The following NMNAT2 variants were observed in gnomAD, a reference collection of about 807,000 sequenced individuals.
NMNAT2 encodes nicotinamide/nicotinic acid mononucleotide adenylyltransferase 2.
Under a neutral mutation model 41.6 loss-of-function variants are expected in NMNAT2, and 11 were observed. The observed-to-expected ratio is 0.26, with a 90% CI of 0.17 to 0.44. The LOEUF (loss-of-function observed/expected upper bound fraction) is 0.44, where lower values mean the gene tolerates loss of function less well. Among genes scored for constraint, NMNAT2 ranks in the 20% least tolerant of loss-of-function variants. The probability of loss-of-function intolerance (pLI) is 1.00; values close to 1 mark genes in which losing one functional copy is unlikely to be tolerated. For synonymous variants in NMNAT2, 148 were observed against 151.2 expected (o/e 0.98, Z 0.16); for missense variants, 288 against 407.7 (o/e 0.71, Z 2.53).
At chr1:183,329,244 G>A (rs963465271) in intron 1 of NMNAT2, among the ~76,000 whole-genome samples, 2 of 152,152 alleles carry the variant, frequency 1.3e-5, no homozygotes, top group African/African-American at 4.8e-5. Flanking sequence ...AATTGTGTGT[G>A]TGTGTATGTG....
intron 1 of NMNAT2, among the ~76,000 whole-genome samples, chr1:183,340,170 A>G (rs530615414): frequency 6.6e-6 from 1 of 152,298 alleles, no homozygotes; most frequent in Admixed American, 6.5e-5. Flanking sequence ...TGGGGGCTAA[A>G]GCTCTGAAGA....
chr1:183,408,440 A>G (rs1466373675), intron 1 of NMNAT2, among the ~76,000 whole-genome samples: 1 of 152,242 alleles, frequency 6.6e-6, no homozygotes, highest in Non-Finnish European at 1.5e-5. Context: ...TTAAAAATGT[A>G]AAAAGCCATC....
chr1:183,320,887 A>G (rs976402520), intron 1 of NMNAT2, among the ~76,000 whole-genome samples: 3 of 152,262 alleles, frequency 2.0e-5, no homozygotes, highest in Non-Finnish European at 2.9e-5. Context: ...ATTGGTGAAC[A>G]GAAGAGAAGA....
At chr1:183,317,399 A>T (rs539213704) in intron 1 of NMNAT2, among the ~76,000 whole-genome samples, 56 of 152,276 alleles carry the variant, frequency 3.7e-4, no homozygotes, top group African/African-American at 1.3e-3. Context: ...CCTCTCAAGT[A>T]GCTGGCATTC....
At chr1:183,369,246 T>C (rs888388759) in intron 1 of NMNAT2, among the ~76,000 whole-genome samples, 7 of 135,384 alleles carry the variant, frequency 5.2e-5, no homozygotes, top group African/African-American at 1.9e-4. Flanking sequence ...GTATTCTTTT[T>C]TTTTTTCTTT....
chr1:183,304,909 A>G (rs981411595), intron 1 of NMNAT2: 2 of 1,424,474 alleles, frequency 1.4e-6, no homozygotes, highest in Non-Finnish European at 1.9e-6. Flanking sequence ...ATGATTTATG[A>G]CCCTCCCTTC....
chr1:183,373,448 G>A (rs763850376), intron 1 of NMNAT2, among the ~76,000 whole-genome samples: 3 of 152,104 alleles, frequency 2.0e-5, no homozygotes, highest in Non-Finnish European at 4.4e-5. Flanking sequence ...TCATGGGGCA[G>A]CACTAGGCCT....
chr1:183,297,383 CT>C (rs66514054), intron 1 of NMNAT2, among the ~76,000 whole-genome samples: 9,650 of 143,394 alleles, frequency 0.067, 832 homozygotes, highest in African/African-American at 0.22. Context: ...GGAAGGAACC[CT>C]TTTTTTTTTT....
chr1:183,342,024 T>C (rs1016925251), intron 1 of NMNAT2, among the ~76,000 whole-genome samples: 6 of 35,780 alleles, frequency 1.7e-4, no homozygotes, highest in Admixed American at 3.3e-4. Flanking sequence ...TTCCTCACCT[T>C]TTTTTTTTTT....
intron 1 of NMNAT2, among the ~76,000 whole-genome samples, chr1:183,313,337 TGGG>T (rs1413061852): frequency 1.3e-5 from 2 of 152,234 alleles, no homozygotes; most frequent in Admixed American, 1.3e-4. Context: ...ACCTGACTTC[TGGG>T]TATTTGGTCA....
intron 1 of NMNAT2, among the ~76,000 whole-genome samples, chr1:183,335,527 T>C (rs1456459072): frequency 3.3e-5 from 5 of 152,258 alleles, no homozygotes; most frequent in Admixed American, 3.3e-4. Flanking sequence ...AGCTTGAAGA[T>C]GTTTCTGCTG....
At position 183,290,319 on chromosome 1, in the gene NMNAT2, G is replaced by T. The variant is rs549425002; in HGVS notation, c.243-113C>A. 1.2e-3 allele frequency: 899 copies of T among 765,396 alleles called. 3 individuals carry two copies. Among genetic ancestry groups the T allele is most frequent in the Non-Finnish European group, 1.7e-3 (809 of 472,102 alleles). 47.4% of individuals were successfully genotyped at this position (765,396 alleles called of 1,614,324 possible). ...CATGGCAGATCTGGCCATACCATGC[G>T]CTTAGATCTTGAATCAGATAAAACC... On this transcript the variant is annotated intron_variant, in intron 3 of 10. Coordinates refer to ENST00000287713, the MANE Select transcript of NMNAT2 (RefSeq NM_015039.4).
chr1:183,267,680 G>T (rs978461122), intron 8 of NMNAT2, among the ~76,000 whole-genome samples: 1 of 152,100 alleles, frequency 6.6e-6, no homozygotes, highest in African/African-American at 2.4e-5. Context: ...TTCCTATGCC[G>T]CCTGCAGGAG....
chr1:183,405,301 G>T (rs1207768105), intron 1 of NMNAT2, among the ~76,000 whole-genome samples: 4 of 152,180 alleles, frequency 2.6e-5, no homozygotes, highest in African/African-American at 9.7e-5. Context: ...GGCAAGGATT[G>T]GGAAGTGGGT....
chr1:183,364,460 T>G (rs1663371704), intron 1 of NMNAT2, among the ~76,000 whole-genome samples: 1 of 152,228 alleles, frequency 6.6e-6, no homozygotes, highest in Non-Finnish European at 1.5e-5. Flanking sequence ...TTCTTCATTA[T>G]TCTATATTAA....
rs374347716 is a variant in NMNAT2, at chr1:183,294,721, C to T, written c.86-928G>A. ...AGGAGAATCGCTTGAACCCGGGCAG[C>T]AGAGATTGCAGTGAGCTGAGATCGT... On this transcript the variant is annotated intron_variant, in intron 1 of 10. Coordinates refer to ENST00000287713, the MANE Select transcript of NMNAT2 (RefSeq NM_015039.4). 5.9e-5 allele frequency among the ~76,000 whole-genome samples: 9 copies of T among 152,194 alleles called. No homozygotes were observed. The East Asian group carries it at 1.7e-3, about 29-fold the overall frequency.
chr1:183,321,752 A>AT (rs1662360121), intron 1 of NMNAT2, among the ~76,000 whole-genome samples: 4 of 151,770 alleles, frequency 2.6e-5, no homozygotes, highest in Admixed American at 2.6e-4. Context: ...GAAAAAAAAA[A>AT]GGAAGAAAAA....
chr1:183,381,066 T>C lies in NMNAT2; in HGVS notation c.85+37117A>G, dbSNP rs532645876. ...ATATAATGAGGAGCTGGATCAACCATTGTGAGAATGAGGGAGAGATGGGAT... is the reference window on the plus strand; with the variant it reads ...ATATAATGAGGAGCTGGATCAACCACTGTGAGAATGAGGGAGAGATGGGAT... On this transcript the variant is annotated intron_variant, in intron 1 of 10. Transcript: ENST00000287713. Among the ~76,000 whole-genome samples the C allele has an allele frequency of 5.9e-5, 9 of 152,188 alleles. No individual in the cohort carries two copies. In the East Asian group the frequency reaches 7.7e-4, roughly 13 times the overall value.
At chr1:183,381,134 TG>T (rs1222445366) in intron 1 of NMNAT2, among the ~76,000 whole-genome samples, 1 of 152,094 alleles carries the variant, frequency 6.6e-6, no homozygotes, top group Non-Finnish European at 1.5e-5. Context: ...GGTCAAAGGA[TG>T]GTTGTGAGGG....
Sources: allele counts gnomAD v4.1 joint callset (sites outside exome capture counted in the v4.1 genomes callset), GRCh38; gene constraint gnomAD v4.1.1; transcripts MANE v1.5; gene names NCBI Gene and HGNC (gene_info 2026-07-23, HGNC 2026-07-21).